Variants in CYP2J2 observed in about 807,000 individuals in gnomAD.
The protein encoded by CYP2J2 is cytochrome P450 2J2.
A neutral mutation model predicts 48.8 loss-of-function variants in CYP2J2; 41 were observed. That is an observed-to-expected ratio of 0.84 (90% CI 0.66 to 1.09). The LOEUF (loss-of-function observed/expected upper bound fraction) is 1.09, where lower values mean the gene tolerates loss of function less well. CYP2J2 is among the 50% of genes least tolerant of loss of function. The probability of loss-of-function intolerance (pLI) is 0.00; values close to 1 mark genes in which losing one functional copy is unlikely to be tolerated. For missense variants in CYP2J2, 644 were observed against 617.3 expected (o/e 1.04, Z -0.46); for synonymous variants, 221 against 227.1 (o/e 0.97, Z 0.24).
chr1:59,916,145 T>G, intron 1 of CYP2J2, 45 bp from the exon 2 acceptor site: 1 of 1,543,474 alleles, frequency 6.5e-7, no homozygotes, highest in Non-Finnish European at 8.9e-7. Context: ...CACATGTCCA[T>G]GTGTTCAGAA....
chr1:59,969,068 C>A, the CYP2J2 span, among the ~76,000 whole-genome samples: 1 of 152,164 alleles, frequency 6.6e-6, no homozygotes, highest in Non-Finnish European at 1.5e-5. Flanking sequence ...CGTGGTCTTG[C>A]TGGCTTCAGG....
At chr1:59,901,712 G>A (rs1440115048) in intron 7 of CYP2J2, among the ~76,000 whole-genome samples, 1 of 152,166 alleles carries the variant, frequency 6.6e-6, no homozygotes, top group East Asian at 1.9e-4. Context: ...CAACCCATCA[G>A]TGAGACTGGT....
the CYP2J2 span, among the ~76,000 whole-genome samples, chr1:59,958,122 A>G: frequency 6.6e-6 from 1 of 152,184 alleles, no homozygotes; most frequent in African/African-American, 2.4e-5. Flanking sequence ...AGAACTGATT[A>G]CCCAATTTCT....
chr1:59,901,600 T>C (rs1644320422), intron 7 of CYP2J2, among the ~76,000 whole-genome samples: 1 of 152,132 alleles, frequency 6.6e-6, no homozygotes, highest in Non-Finnish European at 1.5e-5. Context: ...GGTTTAGTAA[T>C]AGAATCAGGT....
chr1:59,956,378 G>C, the CYP2J2 span, among the ~76,000 whole-genome samples: 1 of 152,100 alleles, frequency 6.6e-6, no homozygotes, highest in East Asian at 1.9e-4. Context: ...GTGTGCTCCT[G>C]AGTGCAATAA....
At chr1:59,946,827 A>G in the CYP2J2 span, among the ~76,000 whole-genome samples, 52 of 152,350 alleles carry the variant, frequency 3.4e-4, no homozygotes, top group African/African-American at 1.2e-3. Context: ...TGAAGATATA[A>G]TCTTTGAAAT....
chr1:59,967,167 G>C, the CYP2J2 span, among the ~76,000 whole-genome samples: 1 of 152,050 alleles, frequency 6.6e-6, no homozygotes, highest in East Asian at 1.9e-4. Flanking sequence ...AATGAGCTGA[G>C]ATAACCACTA....
the CYP2J2 span, among the ~76,000 whole-genome samples, chr1:59,943,277 A>G: frequency 5.3e-5 from 8 of 152,272 alleles, no homozygotes; most frequent in African/African-American, 1.9e-4. Flanking sequence ...TTAGAAGTAG[A>G]AGAGAGGAGA....
chr1:59,957,771 A>G, the CYP2J2 span, among the ~76,000 whole-genome samples: 56 of 152,048 alleles, frequency 3.7e-4, no homozygotes, highest in Non-Finnish European at 7.4e-4. Flanking sequence ...CTTACCAAGT[A>G]TTGAACTCAA....
chr1:59,955,027 A>G, the CYP2J2 span, among the ~76,000 whole-genome samples: 68 of 151,980 alleles, frequency 4.5e-4, 1 homozygote, highest in South Asian at 0.014. Flanking sequence ...AGTCCCAGCT[A>G]CTTGGGAGGC....
At chr1:59,906,670 A>G (rs1214187626) in intron 6 of CYP2J2, among the ~76,000 whole-genome samples, 2 of 152,062 alleles carry the variant, frequency 1.3e-5, no homozygotes, top group Non-Finnish European at 2.9e-5. Context: ...TCTGGCCACC[A>G]CCATTCTACT....
At chr1:59,946,397 A>C in the CYP2J2 span, among the ~76,000 whole-genome samples, 2 of 152,056 alleles carry the variant, frequency 1.3e-5, no homozygotes, top group Admixed American at 1.3e-4. Flanking sequence ...TTTTCTGACT[A>C]CTCTGTGTAA....
chr1:59,963,237 C>A, the CYP2J2 span, among the ~76,000 whole-genome samples: 1 of 152,058 alleles, frequency 6.6e-6, no homozygotes, highest in Non-Finnish European at 1.5e-5. Context: ...TTTAAGTGTA[C>A]AATTCAGAGA....
intron 4 of CYP2J2, among the ~76,000 whole-genome samples, chr1:59,910,628 A>G (rs1194038461): frequency 6.6e-6 from 1 of 152,242 alleles, no homozygotes; most frequent in Non-Finnish European, 1.5e-5. Context: ...AGAAAAGATG[A>G]AAAAGATACA....
upstream of CYP2J2, among the ~76,000 whole-genome samples, chr1:59,927,030 T>C (rs1178955518): frequency 6.6e-6 from 1 of 152,212 alleles, no homozygotes; most frequent in East Asian, 1.9e-4. Context: ...TCTCCTATGA[T>C]TGGAACTGTG....
the CYP2J2 span, among the ~76,000 whole-genome samples, chr1:59,935,015 C>CATATAT: frequency 5.0e-3 from 238 of 47,452 alleles, 6 homozygotes; most frequent in East Asian, 9.3e-3. Flanking sequence ...TATATATATA[C>CATATAT]ATATATATAT....
chr1:59,933,311 C>G, the CYP2J2 span, among the ~76,000 whole-genome samples: 1 of 151,934 alleles, frequency 6.6e-6, no homozygotes. Context: ...AAAATGAGTG[C>G]AAGACAGAAA....
the CYP2J2 span, among the ~76,000 whole-genome samples, chr1:59,940,703 T>A: frequency 2.0e-5 from 3 of 152,346 alleles, no homozygotes; most frequent in South Asian, 6.2e-4. Flanking sequence ...ACATATGAAA[T>A]CAATATATCT....
intron 8 of CYP2J2, among the ~76,000 whole-genome samples, chr1:59,899,549 C>A (rs1274497424): frequency 6.6e-6 from 1 of 152,172 alleles, no homozygotes. Flanking sequence ...TTTAAATTAA[C>A]AATAAGCAAA....
Sources: gnomAD v4.1 joint callset for allele counts (sites outside exome capture counted in the v4.1 genomes callset) on GRCh38, gnomAD v4.1.1 for gene constraint, MANE v1.5 for transcripts, NCBI Gene and HGNC (gene_info 2026-07-23, HGNC 2026-07-21) for gene names.